Variants in IL10RB observed in about 807,000 individuals in gnomAD.
The protein encoded by IL10RB is interleukin-10 receptor subunit beta.
In IL10RB, 30 loss-of-function variants were observed where a neutral mutation model predicts 38.7. The observed-to-expected ratio is 0.78, with a 90% CI of 0.58 to 1.05. The LOEUF (loss-of-function observed/expected upper bound fraction) is 1.05, where lower values mean the gene tolerates loss of function less well. Ranked by LOEUF, IL10RB falls within the 50% of genes least tolerant of loss-of-function variation. The pLI, the probability that IL10RB is intolerant of heterozygous loss-of-function variation, is 0.00. For missense variants in IL10RB, 328 were observed against 397.1 expected (o/e 0.83, Z 1.48); for synonymous variants, 142 against 145.9 (o/e 0.97, Z 0.19).
chr21:33,307,812 C>T (rs950414836), intron 1 of IL10RB, among the ~76,000 whole-genome samples: 4 of 152,092 alleles, frequency 2.6e-5, no homozygotes, highest in African/African-American at 9.7e-5. Context: ...CATAATATTT[C>T]GATTCAATTC....
At chr21:33,267,069 C>G (rs185418091) in intron 1 of IL10RB, among the ~76,000 whole-genome samples, 1 of 152,314 alleles carries the variant, frequency 6.6e-6, no homozygotes. Flanking sequence ...CGCCCCAGCT[C>G]CATGGCTTCT....
chr21:33,299,533 C>A (rs2123610356), downstream of IL10RB, among the ~76,000 whole-genome samples: 2 of 152,320 alleles, frequency 1.3e-5, no homozygotes, highest in South Asian at 4.1e-4. Context: ...TATCTCACTT[C>A]CTTTTGGGGC....
At chr21:33,268,256 C>A in intron 1 of IL10RB, 138 bp from the exon 2 acceptor site, 1 of 1,551,646 alleles carries the variant, frequency 6.4e-7, no homozygotes, top group Non-Finnish European at 8.7e-7. Context: ...GCACAGCCAA[C>A]CTGTCTCTCC....
rs58709699 is a variant in IL10RB, at chr21:33,278,046, C to CAA, written c.331+1313_331+1314dup. The stretch of plus-strand genomic sequence containing the variant: ...TCTCTACAAAAAACAAAAAAAATAC[C>CAA]AAAAAAAAAAAAAAAAAAAAATTAG... On this transcript the variant is annotated intron_variant, in intron 3 of 6. Coordinates refer to ENST00000290200, the MANE Select transcript of IL10RB (RefSeq NM_000628.5). Among the ~76,000 whole-genome samples the CAA allele has an allele frequency of 1.6e-3, 190 of 118,896 alleles. 3 individuals are homozygous for CAA. The highest frequency in any genetic ancestry group is 3.1e-3 in the Admixed American group (35 of 11,372). 78.0% of individuals were successfully genotyped at this position (118,896 alleles called of 152,430 possible).
intron 5 of IL10RB, among the ~76,000 whole-genome samples, chr21:33,287,582 G>C (rs963325759): frequency 1.3e-5 from 2 of 151,962 alleles, no homozygotes; most frequent in South Asian, 4.2e-4. Context: ...GCCCAGACTG[G>C]TCTCAAACTC....
intron 1 of IL10RB, among the ~76,000 whole-genome samples, chr21:33,266,968 C>G (rs1988964594): frequency 6.6e-6 from 1 of 152,114 alleles, no homozygotes; most frequent in Non-Finnish European, 1.5e-5. Context: ...AGTGCCAGCC[C>G]TCCCTACAGA....
chr21:33,270,530 G>A (rs1473912209), intron 2 of IL10RB, among the ~76,000 whole-genome samples: 2 of 151,710 alleles, frequency 1.3e-5, no homozygotes, highest in African/African-American at 2.4e-5. Context: ...ACAGGCGCCC[G>A]CCACCACGCC....
At chr21:33,267,258 A>G (rs539196477) in intron 1 of IL10RB, among the ~76,000 whole-genome samples, 7 of 151,538 alleles carry the variant, frequency 4.6e-5, no homozygotes, top group South Asian at 2.1e-4. Flanking sequence ...TCAGGTTTCT[A>G]TGTAGCTAAT....
At chr21:33,299,156 T>C (rs1361945731), downstream of IL10RB, among the ~76,000 whole-genome samples, 4 of 152,208 alleles carry the variant, frequency 2.6e-5, no homozygotes, top group Non-Finnish European at 4.4e-5. Context: ...AGCTCTCTCT[T>C]CTTTCTTTCA....
intron 5 of IL10RB, among the ~76,000 whole-genome samples, chr21:33,286,624 G>A (rs1364788485): frequency 6.6e-6 from 1 of 152,174 alleles, no homozygotes. Flanking sequence ...GCCGGGGCAG[G>A]AGGATCGCTT....
At position 33,283,333 on chromosome 21, in the gene IL10RB, C is replaced by T; in HGVS notation, c.646+92C>T. ...ATTGCATCCAACTCAAATTCCAGCT[C>T]AGTTCAGAAATCTATCGCCCTGACA... On this transcript the variant is annotated intron_variant, in intron 5 of 6. Transcript: ENST00000290200. 3 of 1,326,170 alleles carry T rather than the reference C, an allele frequency of 2.3e-6. No homozygotes were observed. In the South Asian group the frequency reaches 3.6e-5, roughly 16 times the overall value. 82.2% of individuals were successfully genotyped at this position (1,326,170 alleles called of 1,614,324 possible). A position where few individuals can be genotyped will look rare whatever the true frequency, so the allele number is the denominator to read the frequency against.
chr21:33,276,796 T>C (rs758492077), intron 3 of IL10RB, 43 bp downstream of exon 3: 8 of 1,575,064 alleles, frequency 5.1e-6, no homozygotes, highest in African/African-American at 1.3e-5. Context: ...GTCATCATCT[T>C]GCCTTGTTTT....
intron 2 of IL10RB, among the ~76,000 whole-genome samples, chr21:33,275,132 T>A (rs1989145692): frequency 6.7e-6 from 1 of 150,362 alleles, no homozygotes; most frequent in Non-Finnish European, 1.5e-5. Context: ...TGAACCAACC[T>A]CTGCTAACTT....
downstream of IL10RB, among the ~76,000 whole-genome samples, chr21:33,300,366 G>A (rs558710149): frequency 9.2e-5 from 14 of 151,728 alleles, no homozygotes; most frequent in African/African-American, 2.7e-4. Context: ...GTTTGAACCC[G>A]GGAGGCGGAG....
At chr21:33,281,668 C>T (rs111411616) in intron 4 of IL10RB, among the ~76,000 whole-genome samples, 126 of 152,252 alleles carry the variant, frequency 8.3e-4, no homozygotes, top group African/African-American at 2.9e-3. Context: ...CTGCAACCTC[C>T]GCCTCCTGGG....
chr21:33,304,212 G>A (rs1243183285), intron 1 of IL10RB, among the ~76,000 whole-genome samples: 1 of 152,232 alleles, frequency 6.6e-6, no homozygotes, highest in Non-Finnish European at 1.5e-5. Context: ...GAAGGGGGCT[G>A]AAGAAGAGCC....
intron 3 of IL10RB, among the ~76,000 whole-genome samples, chr21:33,279,099 T>G (rs1989233417): frequency 6.6e-6 from 1 of 152,212 alleles, no homozygotes; most frequent in Non-Finnish European, 1.5e-5. Flanking sequence ...GTAGTGACTA[T>G]GGTTCTTAAG....
chr21:33,278,046 CAAA>C (rs58709699), intron 3 of IL10RB, among the ~76,000 whole-genome samples: 21,947 of 118,752 alleles, frequency 0.18, 1,948 homozygotes, highest in African/African-American at 0.27. Context: ...AAAAAAATAC[CAAA>C]AAAAAAAAAA....
chr21:33,287,471 A>C lies in IL10RB; in HGVS notation c.647-633A>C, dbSNP rs899965333. Among the ~76,000 whole-genome samples, 15 of 152,054 alleles carry C rather than the reference A, an allele frequency of 9.9e-5. No homozygotes were observed. In the South Asian group the frequency reaches 1.5e-3, roughly 15 times the overall value. On this transcript the variant is annotated intron_variant, in intron 5 of 6. Coordinates refer to ENST00000290200, the MANE Select transcript of IL10RB (RefSeq NM_000628.5). ...CCTCCCAGGCTCAAGCGACCCTCCCACCTCAGCCTTTCAAATTGCTGGGAC... is the reference window on the plus strand; with the variant it reads ...CCTCCCAGGCTCAAGCGACCCTCCCCCCTCAGCCTTTCAAATTGCTGGGAC...
Sources: allele counts gnomAD v4.1 joint callset (sites outside exome capture counted in the v4.1 genomes callset), GRCh38; gene constraint gnomAD v4.1.1; transcripts MANE v1.5; gene names NCBI Gene and HGNC (gene_info 2026-07-23, HGNC 2026-07-21).